PCDH15: variants seen among roughly 807,000 people sequenced by gnomAD.
PCDH15 encodes protocadherin-15.
A neutral mutation model predicts 178.5 loss-of-function variants in PCDH15; 129 were observed. That is an observed-to-expected ratio of 0.72 (90% CI 0.63 to 0.84). The LOEUF is 0.84. Ranked by LOEUF, PCDH15 falls within the 40% of genes least tolerant of loss-of-function variation. The probability of loss-of-function intolerance (pLI) is 0.00; values close to 1 mark genes in which losing one functional copy is unlikely to be tolerated. For synonymous variants in PCDH15, 800 were observed against 732.0 expected (o/e 1.09, Z -1.50); for missense variants, 2,230 against 2,099.9 (o/e 1.06, Z -1.21).
At chr10:53,893,288 T>C (rs1228426707) in intron 26 of PCDH15, among the ~76,000 whole-genome samples, 2 of 152,210 alleles carry the variant, frequency 1.3e-5, no homozygotes, top group Non-Finnish European at 2.9e-5. Flanking sequence ...AGTTTCTAAT[T>C]TGGCAAGAAG....
chr10:55,266,342 C>T (rs1842294128), intron 1 of PCDH15, among the ~76,000 whole-genome samples: 1 of 152,092 alleles, frequency 6.6e-6, no homozygotes. Flanking sequence ...CCCAAAACAA[C>T]ACCCCCTGTC....
rs575594861 is a variant in PCDH15, at chr10:54,281,054, T to A, written c.876+36217A>T. On this transcript the variant is annotated intron_variant, in intron 8 of 37. Transcript: ENST00000644397. Reference sequence around the variant, plus strand: ...GTATACACACATATATATTCATAAATTATTGAAAGTTTCATGCAAATTTTT... The same window carrying A: ...GTATACACACATATATATTCATAAAATATTGAAAGTTTCATGCAAATTTTT... Among the ~76,000 whole-genome samples, 369 of 152,024 alleles carry A rather than the reference T, an allele frequency of 2.4e-3. 1 individual carries two copies. Among genetic ancestry groups the A allele is most frequent in the African/African-American group, 8.5e-3 (354 of 41,538 alleles).
At chr10:54,888,106 T>C (rs1485622844) in intron 3 of PCDH15, among the ~76,000 whole-genome samples, 1 of 152,140 alleles carries the variant, frequency 6.6e-6, no homozygotes, top group Non-Finnish European at 1.5e-5. Context: ...TATGTAAACA[T>C]GAAACAACCA....
At chr10:55,007,372 G>A (rs1429630793) in intron 2 of PCDH15, among the ~76,000 whole-genome samples, 1 of 148,716 alleles carries the variant, frequency 6.7e-6, no homozygotes, top group East Asian at 2.0e-4. Context: ...AAATAGTGTT[G>A]TGGCTGTTAT....
At chr10:54,199,579 T>TAATAATAATAAC (rs2050027353) in intron 10 of PCDH15, among the ~76,000 whole-genome samples, 1 of 148,658 alleles carries the variant, frequency 6.7e-6, no homozygotes, top group African/African-American at 2.5e-5. Context: ...ACAATAATAA[T>TAATAATAATAAC]AATAATAATA....
intron 2 of PCDH15, chr10:54,641,150 A>C (rs2134960388): frequency 4.8e-6 from 1 of 206,608 alleles, no homozygotes; most frequent in East Asian, 1.7e-4. Flanking sequence ...AAGTACAAAC[A>C]TAATTTAGAA....
intron 2 of PCDH15, among the ~76,000 whole-genome samples, chr10:55,389,906 CTT>C (rs1837752465): frequency 6.6e-6 from 1 of 151,982 alleles, no homozygotes; most frequent in Non-Finnish European, 1.5e-5. Flanking sequence ...AATTATAAAT[CTT>C]GTTTCAATAG....
upstream of PCDH15, among the ~76,000 whole-genome samples, chr10:54,805,030 C>T (rs1290713220): frequency 6.9e-6 from 1 of 145,204 alleles, no homozygotes; most frequent in Non-Finnish European, 1.5e-5. Context: ...CTTACTCTGG[C>T]AAATGTATAT....
chr10:53,880,524 T>A (rs954343262), intron 26 of PCDH15, among the ~76,000 whole-genome samples: 3 of 152,130 alleles, frequency 2.0e-5, no homozygotes, highest in Non-Finnish European at 4.4e-5. Context: ...GAATGTCGAA[T>A]CCTCTGTAAA....
intron 8 of PCDH15, among the ~76,000 whole-genome samples, chr10:54,257,025 T>C (rs1451498071): frequency 6.6e-6 from 1 of 150,962 alleles, no homozygotes; most frequent in Non-Finnish European, 1.5e-5. Flanking sequence ...TCATTCACTT[T>C]CTCATTCTCT....
intron 3 of PCDH15, among the ~76,000 whole-genome samples, chr10:54,827,532 G>C (rs1232941627): frequency 6.6e-6 from 1 of 152,162 alleles, no homozygotes; most frequent in African/African-American, 2.4e-5. Flanking sequence ...AAGTCTGCAA[G>C]ATAGACAGTG....
intron 1 of PCDH15, among the ~76,000 whole-genome samples, chr10:54,738,111 GTT>G (rs1944355342): frequency 3.3e-5 from 5 of 152,068 alleles, no homozygotes; most frequent in Admixed American, 2.6e-4. Flanking sequence ...GTTAGAGACT[GTT>G]ATGAGGATGA....
chr10:54,849,357 G>A (rs1953571494), intron 3 of PCDH15, among the ~76,000 whole-genome samples: 1 of 152,126 alleles, frequency 6.6e-6, no homozygotes, highest in Non-Finnish European at 1.5e-5. Context: ...TATCTTATCT[G>A]CTTTCTTTTT....
chr10:55,421,495 A>G (rs569998527), intron 2 of PCDH15, among the ~76,000 whole-genome samples: 98 of 149,836 alleles, frequency 6.5e-4, no homozygotes, highest in Non-Finnish European at 1.0e-3. Context: ...TAAAAGAGAA[A>G]ATCATTTCAT....
At chr10:53,951,712 T>C (rs960322191) in intron 23 of PCDH15, among the ~76,000 whole-genome samples, 22 of 152,330 alleles carry the variant, frequency 1.4e-4, no homozygotes, top group Non-Finnish European at 2.9e-4. Flanking sequence ...CTGTGGCTGG[T>C]GGCACCTTTA....
chr10:54,264,659 A>C (rs1339933610), intron 8 of PCDH15, among the ~76,000 whole-genome samples: 1 of 152,192 alleles, frequency 6.6e-6, no homozygotes, highest in African/African-American at 2.4e-5. Flanking sequence ...TAGAAGGAAA[A>C]AATTCATAGC....
chr10:55,156,754 A>G (rs1281046274), intron 2 of PCDH15, among the ~76,000 whole-genome samples: 1 of 152,148 alleles, frequency 6.6e-6, no homozygotes, highest in Non-Finnish European at 1.5e-5. Flanking sequence ...AACCTAAGCT[A>G]AGTCAATAAG....
At chr10:54,354,699 C>T (rs1467801662) in intron 5 of PCDH15, among the ~76,000 whole-genome samples, 1 of 152,032 alleles carries the variant, frequency 6.6e-6, no homozygotes, top group Non-Finnish European at 1.5e-5. Flanking sequence ...TAAAAAATCA[C>T]TTAATTATAC....
Position 53,806,510 on chromosome 10 carries a change from T to A in PCDH15, c.*69A>T. 1 of 1,282,784 alleles carries A rather than the reference T, an allele frequency of 7.8e-7. No homozygotes were observed. The highest frequency in any genetic ancestry group is 1.1e-6 in the Non-Finnish European group (1 of 937,996). The allele number at this position is 1,282,784 out of a possible 1,614,324, so 79.5% of individuals were successfully genotyped here. A position where few individuals can be genotyped will look rare whatever the true frequency, so the allele number is the denominator to read the frequency against. On this transcript the variant is annotated 3_prime_UTR_variant, in exon 38 of 38. Coordinates refer to ENST00000644397, the MANE Select transcript of PCDH15 (RefSeq NM_001384140.1). The stretch of plus-strand genomic sequence containing the variant: ...TAAATTCCATACATTGTTTTCTCAG[T>A]GACAATAAAAAGCACAGTTTATTAA...
Sources: allele counts gnomAD v4.1 joint callset (sites outside exome capture counted in the v4.1 genomes callset), GRCh38; gene constraint gnomAD v4.1.1; transcripts MANE v1.5; gene names NCBI Gene and HGNC (gene_info 2026-07-23, HGNC 2026-07-21).